The following CTNNA1 variants were observed in gnomAD, a reference collection of about 807,000 sequenced individuals.
CTNNA1 encodes catenin alpha 1, also known as catenin alpha-1.
In CTNNA1, 37 loss-of-function variants were observed where a neutral mutation model predicts 98.4. The observed-to-expected ratio is 0.38, with a 90% CI of 0.29 to 0.49. The LOEUF is 0.49. Among genes scored for constraint, CTNNA1 ranks in the 20% least tolerant of loss-of-function variants. The pLI, the probability that CTNNA1 is intolerant of heterozygous loss-of-function variation, is 0.95. For missense variants in CTNNA1, 761 were observed against 1,147.2 expected (o/e 0.66, Z 4.86); for synonymous variants, 404 against 413.2 (o/e 0.98, Z 0.27).
chr5:138,873,205 T>G lies in CTNNA1; in HGVS notation c.1063-13007T>G. On this transcript the variant is annotated intron_variant, in intron 7 of 17. Coordinates refer to ENST00000302763, the MANE Select transcript of CTNNA1 (RefSeq NM_001903.5). This position sits in a 1 kb window ranked among gnomAD's most constrained non-coding sequence, Gnocchi z 6.1. ...CCATTGAGCACTGCCTAATTCTTCT[T>G]AAAGTGGGAGGGCAGCACTTCCTGG... The G allele has an allele frequency of 6.2e-7, 1 of 1,613,960 alleles. No individual in the cohort carries two copies. The highest frequency in any genetic ancestry group is 8.5e-7 in the Non-Finnish European group (1 of 1,179,892).
intron 10 of CTNNA1, among the ~76,000 whole-genome samples, chr5:138,916,333 G>A (rs1419580577): frequency 2.0e-5 from 3 of 151,804 alleles, no homozygotes; most frequent in Non-Finnish European, 4.4e-5. Context: ...CAATGACATT[G>A]TGTCCTTTAA....
At chr5:138,886,481 G>A (rs532060597) in intron 8 of CTNNA1, among the ~76,000 whole-genome samples, 189 bp downstream of exon 8, 28 of 152,142 alleles carry the variant, frequency 1.8e-4, no homozygotes, top group Non-Finnish European at 4.0e-4. Context: ...GAAGACATGG[G>A]ATAATACAGT....
intron 9 of CTNNA1, among the ~76,000 whole-genome samples, chr5:138,892,814 C>T (rs1036872603): frequency 3.3e-5 from 5 of 151,532 alleles, no homozygotes; most frequent in Non-Finnish European, 5.9e-5. Context: ...GTCAGGAGTT[C>T]GAGACCAGCC....
chr5:138,931,601 G>A, intron 16 of CTNNA1: 2 of 985,390 alleles, frequency 2.0e-6, no homozygotes, highest in Non-Finnish European at 2.4e-6. Context: ...GCTTCCATTG[G>A]CCAAATGTAT....
chr5:138,884,732 C>T (rs559604181), intron 7 of CTNNA1, among the ~76,000 whole-genome samples: 2 of 152,138 alleles, frequency 1.3e-5, no homozygotes, highest in Non-Finnish European at 2.9e-5. Flanking sequence ...ATCCAACTCC[C>T]TCCTTCCCAT....
chr5:138,897,309 G>A (rs11953507), intron 9 of CTNNA1, among the ~76,000 whole-genome samples: 3 of 31,646 alleles, frequency 9.5e-5, no homozygotes, highest in African/African-American at 2.8e-4. Flanking sequence ...CCCCCCCCCC[G>A]CCCCCGCCCA....
intron 1 of CTNNA1, among the ~76,000 whole-genome samples, chr5:138,755,490 G>A (rs879374650): frequency 6.6e-6 from 1 of 151,994 alleles, no homozygotes; most frequent in African/African-American, 2.4e-5. Flanking sequence ...CGTACCCAGG[G>A]TTCTTTCCAA....
intron 10 of CTNNA1, among the ~76,000 whole-genome samples, chr5:138,916,301 C>T (rs1396877275): frequency 6.6e-6 from 1 of 151,354 alleles, no homozygotes; most frequent in African/African-American, 2.4e-5. Context: ...TGTTGAACAA[C>T]TGCAAATATA....
At chr5:138,795,407 G>T (rs563881570) in intron 3 of CTNNA1, among the ~76,000 whole-genome samples, 2 of 152,024 alleles carry the variant, frequency 1.3e-5, no homozygotes, top group South Asian at 4.2e-4. Context: ...GCAGTGAGCC[G>T]AGATTGTGCC....
chr5:138,860,492 T>TTTG (rs1554091085), intron 7 of CTNNA1, among the ~76,000 whole-genome samples: 1 of 93,518 alleles, frequency 1.1e-5, no homozygotes, highest in Non-Finnish European at 2.2e-5. Context: ...GTTTGGTTTT[T>TTTG]TTTGTTTGTT....
chr5:138,878,791 A>T (rs976190613), intron 7 of CTNNA1, among the ~76,000 whole-genome samples: 1 of 152,198 alleles, frequency 6.6e-6, no homozygotes, highest in Non-Finnish European at 1.5e-5. Context: ...TAAAAAGGCA[A>T]ATGTTTCTTT....
At position 138,858,594 on chromosome 5, in the gene CTNNA1, CTT is replaced by C. The variant is rs147487025; in HGVS notation, c.1063-27600_1063-27599del. On this transcript the variant is annotated intron_variant, in intron 7 of 17. Transcript: ENST00000302763. ...TTGGCTTTTTTTTCTTTTTCTTTTT[CTT>C]TTTTTTTTTTTTTTTTTGAGACAGA... is the stretch of plus-strand genomic sequence containing the variant. Among the ~76,000 whole-genome samples the C allele has an allele frequency of 5.0e-3, 625 of 124,048 alleles. 5 individuals are homozygous for C. Among genetic ancestry groups the C allele is most frequent in the Non-Finnish European group, 7.6e-3 (452 of 59,390 alleles). 81.4% of individuals were successfully genotyped at this position (124,048 alleles called of 152,430 possible).
intron 7 of CTNNA1, among the ~76,000 whole-genome samples, chr5:138,850,885 G>T (rs1407760655): frequency 6.6e-6 from 1 of 152,190 alleles, no homozygotes; most frequent in African/African-American, 2.4e-5. Context: ...GTCTTTTGGT[G>T]ATTGATATTA....
intron 7 of CTNNA1, among the ~76,000 whole-genome samples, chr5:138,850,971 C>T (rs984949137): frequency 4.6e-5 from 7 of 152,176 alleles, no homozygotes; most frequent in Admixed American, 4.6e-4. Flanking sequence ...TGAGCATTAC[C>T]TTAAGCAGTG....
chr5:138,852,404 C>G (rs1763280867), intron 7 of CTNNA1, among the ~76,000 whole-genome samples: 1 of 114,140 alleles, frequency 8.8e-6, no homozygotes, highest in Non-Finnish European at 1.6e-5. Flanking sequence ...AGCTTTTTCT[C>G]TGTTATACAT....
At chr5:138,892,972 C>T (rs367636719) in intron 9 of CTNNA1, among the ~76,000 whole-genome samples, 13 of 152,190 alleles carry the variant, frequency 8.5e-5, no homozygotes, top group South Asian at 4.2e-4. Context: ...GCAGAGATCG[C>T]GCCGCTGCTC....
chr5:138,904,437 C>T lies in CTNNA1; in HGVS notation c.1385C>T (p.Pro462Leu), dbSNP rs977288078. The stretch of plus-strand genomic sequence containing the variant: ...GCAAGCCAGTTAGAAGCCCTCTGTC[C>T]TCAGGTAAAGTACAACTGACACTGG... ...MSASQLEALC[P>L]QVINAALALA... Residue 462 changes from proline (P) to leucine (L), a missense_variant, in exon 10 of 18, where the codon CCT becomes CTT. This residue lies in a region of CTNNA1 where 287 missense variants were observed against 436.0 expected (regional missense o/e 0.66). Coordinates refer to ENST00000302763, the MANE Select transcript of CTNNA1 (RefSeq NM_001903.5). 74 of 1,613,424 alleles carry T rather than the reference C, an allele frequency of 4.6e-5. No homozygotes were observed. The highest frequency in any genetic ancestry group is 6.0e-5 in the Non-Finnish European group (71 of 1,179,712).
intron 7 of CTNNA1, among the ~76,000 whole-genome samples, chr5:138,828,852 G>A (rs1039387135): frequency 3.3e-5 from 5 of 152,360 alleles, no homozygotes; most frequent in African/African-American, 1.2e-4. Context: ...CCCTGGGCAT[G>A]ATGGTTCAAG....
At chr5:138,853,199 G>A (rs1472727274) in intron 7 of CTNNA1, among the ~76,000 whole-genome samples, 1 of 150,784 alleles carries the variant, frequency 6.6e-6, no homozygotes, top group African/African-American at 2.4e-5. Context: ...CTCCCGCCTC[G>A]GCCTCCCAAA....
Sources: allele counts gnomAD v4.1 joint callset (sites outside exome capture counted in the v4.1 genomes callset), GRCh38; gene constraint gnomAD v4.1.1; regional missense constraint gnomAD v4.1.1; non-coding constraint Gnocchi (gnomAD v3.1); transcripts MANE v1.5; gene names NCBI Gene and HGNC (gene_info 2026-07-23, HGNC 2026-07-21).